Variants in COL19A1 observed in about 807,000 individuals in gnomAD.
COL19A1 encodes the protein collagen alpha-1(XIX) chain.
A neutral mutation model predicts 190.2 loss-of-function variants in COL19A1; 159 were observed. The ratio of observed to expected loss-of-function variants is 0.84; its 90% confidence interval spans 0.73 to 0.95. The LOEUF (loss-of-function observed/expected upper bound fraction) is 0.95, where lower values mean the gene tolerates loss of function less well. Among genes scored for constraint, COL19A1 ranks in the 40% least tolerant of loss-of-function variants. COL19A1 has a pLI of 0.00. For synonymous variants in COL19A1, 509 were observed against 458.9 expected (o/e 1.11, Z -1.39); for missense variants, 1,418 against 1,431.9 (o/e 0.99, Z 0.16).
chr6:70,088,233 T>C (rs1356584563), intron 15 of COL19A1, among the ~76,000 whole-genome samples: 1 of 152,198 alleles, frequency 6.6e-6, no homozygotes, highest in Non-Finnish European at 1.5e-5. Context: ...CAGATCTTCA[T>C]ATATTCTAGC....
At chr6:70,060,669 C>T (rs1247914860) in intron 14 of COL19A1, among the ~76,000 whole-genome samples, 4 of 152,136 alleles carry the variant, frequency 2.6e-5, no homozygotes, top group African/African-American at 9.7e-5. Context: ...CCCATCACCC[C>T]TAGAAGGGAC....
intron 6 of COL19A1, among the ~76,000 whole-genome samples, chr6:69,932,560 C>T (rs780178029): frequency 6.6e-6 from 1 of 151,846 alleles, no homozygotes; most frequent in Non-Finnish European, 1.5e-5. Context: ...CTTTCATTAC[C>T]TGATTTCCTT....
intron 9 of COL19A1, among the ~76,000 whole-genome samples, chr6:69,952,914 G>A (rs1390867848): frequency 6.6e-6 from 1 of 151,984 alleles, no homozygotes; most frequent in Non-Finnish European, 1.5e-5. Flanking sequence ...AACAGTGCTG[G>A]TCCAGATGTA....
chr6:70,161,355 TA>T (rs563375714), intron 34 of COL19A1, among the ~76,000 whole-genome samples: 153 of 152,334 alleles, frequency 1.0e-3, no homozygotes, highest in African/African-American at 3.6e-3. Context: ...GATTCTTAGA[TA>T]CTACTGCTGA....
intron 48 of COL19A1, among the ~76,000 whole-genome samples, chr6:70,193,894 T>C (rs566839856): frequency 6.6e-6 from 1 of 152,312 alleles, no homozygotes; most frequent in South Asian, 2.1e-4. Flanking sequence ...GAAAACTCCA[T>C]TTTCACAAAT....
At chr6:70,024,467 G>GGAA (rs1367289159) in intron 12 of COL19A1, among the ~76,000 whole-genome samples, 1 of 152,120 alleles carries the variant, frequency 6.6e-6, no homozygotes, top group Non-Finnish European at 1.5e-5. Flanking sequence ...AAAACTGTGA[G>GGAA]ACTATATCTA....
rs777233423 is a variant in COL19A1 at position 70,146,781 on chromosome 6, C to A, written c.1816-31C>A. On this transcript the variant is annotated intron_variant, in intron 26 of 50. Transcript: ENST00000620364. ...GCAGAAAAATGTATGTCTCTTGAGC[C>A]TTGCAGTAACAGAAGCCTTTCATTT... 6.3e-6 allele frequency: 10 copies of A among 1,589,402 alleles called. No individual in the cohort carries two copies. In the African/African-American group the frequency reaches 1.4e-4, roughly 22 times the overall value.
chr6:70,163,301 T>C, intron 35 of COL19A1, 42 bp from the exon 36 acceptor site: 1 of 1,588,700 alleles, frequency 6.3e-7, no homozygotes, highest in Non-Finnish European at 8.6e-7. Context: ...TTTGGCCATT[T>C]AATTGTTGTT....
intron 2 of COL19A1, among the ~76,000 whole-genome samples, chr6:69,896,807 C>A (rs1299790847): frequency 6.6e-6 from 1 of 152,072 alleles, no homozygotes; most frequent in Non-Finnish European, 1.5e-5. Context: ...GTGTTTAAAT[C>A]TTTTTGCACA....
intron 14 of COL19A1, among the ~76,000 whole-genome samples, chr6:70,055,422 G>C (rs1780438030): frequency 6.6e-6 from 1 of 151,552 alleles, no homozygotes; most frequent in Non-Finnish European, 1.5e-5. Context: ...AGACAACCTA[G>C]ATGTCTAGCT....
chr6:69,960,111 T>G, intron 10 of COL19A1, 71 bp downstream of exon 10: 1 of 1,420,120 alleles, frequency 7.0e-7, no homozygotes, highest in East Asian at 2.3e-5. Flanking sequence ...GCACATAATA[T>G]TCTGAAATTG....
At chr6:69,943,070 C>T (rs1186418701) in intron 9 of COL19A1, among the ~76,000 whole-genome samples, 1 of 151,858 alleles carries the variant, frequency 6.6e-6, no homozygotes, top group African/African-American at 2.4e-5. Flanking sequence ...TTTTTTTGGT[C>T]ATTTAGATAA....
At chr6:69,888,911 T>C (rs1769135771) in intron 2 of COL19A1, among the ~76,000 whole-genome samples, 1 of 152,350 alleles carries the variant, frequency 6.6e-6, no homozygotes, top group South Asian at 2.1e-4. Context: ...CAACCTGATA[T>C]ACTTGATATT....
intron 16 of COL19A1, among the ~76,000 whole-genome samples, chr6:70,114,825 C>T (rs1562187362): frequency 6.6e-6 from 1 of 152,174 alleles, no homozygotes; most frequent in Non-Finnish European, 1.5e-5. Flanking sequence ...TGGAAAAACT[C>T]ATTAGATTCT....
chr6:69,898,464 C>T (rs1235393580), intron 2 of COL19A1, among the ~76,000 whole-genome samples: 1 of 151,956 alleles, frequency 6.6e-6, no homozygotes, highest in African/African-American at 2.4e-5. Flanking sequence ...AATTATAGGC[C>T]ACTTTTGTAT....
chr6:70,102,049 G>T, intron 15 of COL19A1, 120 bp from the exon 16 acceptor site: 1 of 858,276 alleles, frequency 1.2e-6, no homozygotes, highest in Non-Finnish European at 1.9e-6. Flanking sequence ...ATGTGGAATT[G>T]GAATTGTTTC....
intron 15 of COL19A1, among the ~76,000 whole-genome samples, chr6:70,074,443 G>T (rs370390467): frequency 2.1e-5 from 3 of 144,960 alleles, no homozygotes; most frequent in African/African-American, 7.8e-5. Context: ...AAGTTGCAGT[G>T]AGCCGAGATT....
chr6:69,960,440 A>G (rs1774708827), intron 10 of COL19A1, among the ~76,000 whole-genome samples: 1 of 152,180 alleles, frequency 6.6e-6, no homozygotes. Flanking sequence ...GCTAAACATA[A>G]TAGTTAGAAT....
At chr6:70,047,392 A>T (rs1203391694) in intron 14 of COL19A1, among the ~76,000 whole-genome samples, 1 of 152,118 alleles carries the variant, frequency 6.6e-6, no homozygotes. Context: ...CATTTATTTG[A>T]TCAAATATAA....
Sources: gnomAD v4.1 joint callset for allele counts (sites outside exome capture counted in the v4.1 genomes callset) on GRCh38, gnomAD v4.1.1 for gene constraint, MANE v1.5 for transcripts, NCBI Gene and HGNC (gene_info 2026-07-23, HGNC 2026-07-21) for gene names.